The following INPP4B variants were observed in gnomAD, a reference collection of about 807,000 sequenced individuals.
INPP4B encodes inositol polyphosphate-4-phosphatase type II B, also known as inositol polyphosphate 4-phosphatase type II.
INPP4B carries 55 observed loss-of-function variants against 122.5 expected under a neutral mutation model. The ratio of observed to expected loss-of-function variants is 0.45; its 90% CI spans 0.36 to 0.56. The LOEUF (loss-of-function observed/expected upper bound fraction) is 0.56. INPP4B is among the 20% of genes least tolerant of loss of function. The pLI is 0.00. For synonymous variants in INPP4B, 403 were observed against 388.7 expected, an observed-to-expected ratio of 1.04 and a Z score of -0.43; for missense variants, 1,000 against 1,097.7, an observed-to-expected ratio of 0.91 and a Z score of 1.26.
rs1257774748 is a variant in INPP4B, at chr4:142,028,535, T to G, written c.*247A>C. On this transcript the variant is annotated 3_prime_UTR_variant, in exon 26 of 26. Transcript: ENST00000262992. ...ACTTTGTGAACCAATCTCAATCAGC[T>G]AGGCTCAACACATAGAAGCTTAGAA... 1 of 454,824 alleles carries G rather than the reference T, an allele frequency of 2.2e-6. No homozygotes were observed. The highest frequency in any genetic ancestry group is 3.9e-5 in the Admixed American group (1 of 25,610). The allele number at this position is 454,824 out of a possible 1,614,324, so 28.2% of individuals were successfully genotyped here. A position where few individuals can be genotyped will look rare whatever the true frequency, so the allele number is the denominator to read the frequency against.
intron 21 of INPP4B, among the ~76,000 whole-genome samples, chr4:142,114,976 GGA>G (rs1435910143): frequency 6.6e-6 from 1 of 152,018 alleles, no homozygotes; most frequent in Non-Finnish European, 1.5e-5. Context: ...ATGACCTGAT[GGA>G]GCTGAAAACC....
intron 3 of INPP4B, among the ~76,000 whole-genome samples, chr4:142,440,924 T>C (rs1811567432): frequency 6.6e-6 from 1 of 152,202 alleles, no homozygotes; most frequent in Non-Finnish European, 1.5e-5. Context: ...AAAATACTAT[T>C]ATTAAGCACT....
intron 12 of INPP4B, among the ~76,000 whole-genome samples, chr4:142,230,666 A>G (rs13113932): frequency 9.2e-5 from 13 of 141,066 alleles, no homozygotes; most frequent in Non-Finnish European, 1.9e-4. Flanking sequence ...AAAAAAAAAG[A>G]AAAGAAAAAC....
chr4:142,169,820 C>T (rs1407356435), intron 16 of INPP4B, among the ~76,000 whole-genome samples: 1 of 151,624 alleles, frequency 6.6e-6, no homozygotes, highest in Non-Finnish European at 1.5e-5. Flanking sequence ...TGTCATATAG[C>T]ATCAAGTACG....
rs992913466 is a variant in INPP4B at position 142,257,342 on chromosome 4, A to G, written c.688+3150T>C. On this transcript the variant is annotated intron_variant, in intron 11 of 25. Coordinates refer to ENST00000262992, the MANE Select transcript of INPP4B (RefSeq NM_001101669.3). ...CCACTCCTATTCAACATAGTGTTGG[A>G]AGTTCTGGCCAGGGCAATTAGGCAG... Among the ~76,000 whole-genome samples the G allele has an allele frequency of 5.9e-5, 9 of 152,150 alleles. 1 individual carries two copies. In the East Asian group the frequency reaches 1.7e-3, roughly 29 times the overall value.
chr4:142,180,127 A>G (rs1408228726), intron 15 of INPP4B, among the ~76,000 whole-genome samples: 1 of 152,194 alleles, frequency 6.6e-6, no homozygotes. Flanking sequence ...TTTTGGGGTG[A>G]CAAAAATGTC....
intron 25 of INPP4B, among the ~76,000 whole-genome samples, chr4:142,039,454 A>C (rs1433745644): frequency 2.0e-5 from 3 of 152,194 alleles, no homozygotes; most frequent in Admixed American, 2.0e-4. Context: ...TCATCAGAAG[A>C]AGCCAGGTAC....
rs370395525 is a variant in INPP4B, at chr4:142,598,458, C to A, written c.-191+127381G>T. 9.2e-4 allele frequency among the ~76,000 whole-genome samples: 140 copies of A among 152,264 alleles called. 1 individual carries two copies. Among genetic ancestry groups the A allele is most frequent in the African/African-American group, 3.3e-3 (137 of 41,550 alleles). On this transcript the variant is annotated intron_variant, in intron 2 of 25. Transcript: ENST00000262992. ...CACAGGACAGAATCCAGCCTGGGAACATCCCCCATATATCCACATCCTGTA... is the reference window on the plus strand; with the variant it reads ...CACAGGACAGAATCCAGCCTGGGAAAATCCCCCATATATCCACATCCTGTA...
intron 25 of INPP4B, among the ~76,000 whole-genome samples, chr4:142,034,414 G>T (rs1742492534): frequency 6.6e-6 from 1 of 152,146 alleles, no homozygotes; most frequent in African/African-American, 2.4e-5. Context: ...GAGAGGCTGG[G>T]CCCTGGCTCT....
intron 2 of INPP4B, among the ~76,000 whole-genome samples, chr4:142,603,903 A>AAC (rs3078719): frequency 0.026 from 3,838 of 149,104 alleles, 114 homozygotes; most frequent in African/African-American, 0.07. Flanking sequence ...ACCAGACAAG[A>AAC]ACACACACAC....
intron 3 of INPP4B, among the ~76,000 whole-genome samples, chr4:142,450,191 C>A (rs1234315740): frequency 6.6e-6 from 1 of 152,204 alleles, no homozygotes; most frequent in Non-Finnish European, 1.5e-5. Context: ...CCCCACTCAG[C>A]CCCTGGCAAG....
intron 11 of INPP4B, among the ~76,000 whole-genome samples, chr4:142,256,702 G>T (rs1736318797): frequency 6.6e-6 from 1 of 152,118 alleles, no homozygotes; most frequent in African/African-American, 2.4e-5. Flanking sequence ...CTGAAATTGT[G>T]GCAATAATCA....
intron 14 of INPP4B, among the ~76,000 whole-genome samples, chr4:142,203,877 C>T (rs1295345148): frequency 2.6e-5 from 4 of 152,028 alleles, no homozygotes; most frequent in African/African-American, 7.2e-5. Flanking sequence ...AAATAACTTG[C>T]CAGTAAAATG....
At chr4:142,284,647 T>G (rs1561741881) in intron 9 of INPP4B, among the ~76,000 whole-genome samples, 1 of 151,958 alleles carries the variant, frequency 6.6e-6, no homozygotes, top group Non-Finnish European at 1.5e-5. Context: ...CTTTTAGGAA[T>G]GTGGAGGTGT....
chr4:142,127,866 T>C (rs1252647447), intron 18 of INPP4B, among the ~76,000 whole-genome samples: 1 of 152,202 alleles, frequency 6.6e-6, no homozygotes, highest in Non-Finnish European at 1.5e-5. Context: ...CCAGGTTTTC[T>C]TCTCTGTTAA....
At chr4:142,270,195 A>G (rs1456975983) in intron 10 of INPP4B, among the ~76,000 whole-genome samples, 4 of 152,000 alleles carry the variant, frequency 2.6e-5, no homozygotes, top group African/African-American at 9.7e-5. Context: ...TCTCTCCTCA[A>G]TCTCATAAGG....
chr4:142,102,512 C>T (rs1047284998), intron 23 of INPP4B, among the ~76,000 whole-genome samples: 1 of 138,236 alleles, frequency 7.2e-6, no homozygotes, highest in Admixed American at 7.9e-5. Context: ...ACCAAAGGAG[C>T]GTGAGAGACG....
At chr4:142,435,853 C>T (rs1580056211) in intron 3 of INPP4B, among the ~76,000 whole-genome samples, 2 of 152,276 alleles carry the variant, frequency 1.3e-5, no homozygotes, top group Admixed American at 1.3e-4. Context: ...AGATTCTCAA[C>T]AGCCACTTGG....
intron 1 of INPP4B, among the ~76,000 whole-genome samples, chr4:142,815,053 G>A (rs1486247682): frequency 1.3e-5 from 2 of 152,152 alleles, no homozygotes; most frequent in Non-Finnish European, 2.9e-5. Flanking sequence ...TTCATATGAT[G>A]TGAGGAGACT....
Sources: allele counts gnomAD v4.1 joint callset (sites outside exome capture counted in the v4.1 genomes callset), GRCh38; gene constraint gnomAD v4.1.1; transcripts MANE v1.5; gene names NCBI Gene and HGNC (gene_info 2026-07-23, HGNC 2026-07-21).